TAFA4: variants seen among roughly 807,000 people sequenced by gnomAD.
TAFA4 encodes chemokine-like protein TAFA-4.
TAFA4 carries 20 observed loss-of-function variants against 21.1 expected under a neutral mutation model. The ratio of observed to expected loss-of-function variants is 0.95; its 90% confidence interval spans 0.67 to 1.38. The LOEUF is 1.38. TAFA4 is among the 40% of genes most tolerant of loss of function. The pLI is 0.00. For synonymous variants in TAFA4, 71 were observed against 67.4 expected (o/e 1.05, Z -0.26); for missense variants, 211 against 180.9 (o/e 1.17, Z -0.95).
At chr3:68,866,864 T>C (rs1026809154) in intron 3 of TAFA4, among the ~76,000 whole-genome samples, 1 of 151,476 alleles carries the variant, frequency 6.6e-6, no homozygotes, top group Non-Finnish European at 1.5e-5. Context: ...TTTGAAAATA[T>C]ACAGTCAGAA....
At chr3:68,781,060 A>G (rs1227240135) in intron 3 of TAFA4, among the ~76,000 whole-genome samples, 2 of 152,158 alleles carry the variant, frequency 1.3e-5, no homozygotes, top group African/African-American at 4.8e-5. Context: ...CAAAGGAGAA[A>G]TCATAAAAGT....
intron 3 of TAFA4, among the ~76,000 whole-genome samples, chr3:68,755,898 G>A (rs145451398): frequency 1.4e-4 from 21 of 152,260 alleles, no homozygotes; most frequent in East Asian, 5.8e-4. Flanking sequence ...ACAATGGCAC[G>A]CTCACTCACA....
intron 5 of TAFA4, among the ~76,000 whole-genome samples, chr3:68,736,743 A>G (rs998204141): frequency 7.9e-5 from 12 of 152,176 alleles, no homozygotes; most frequent in Middle Eastern, 3.4e-3. Flanking sequence ...AGATCCACAA[A>G]TGAATTTACT....
chr3:68,885,546 A>G (rs2089663402), intron 1 of TAFA4, among the ~76,000 whole-genome samples: 2 of 152,216 alleles, frequency 1.3e-5, no homozygotes, highest in Admixed American at 1.3e-4. Context: ...ATAGTTGTAA[A>G]GAACTTTCTG....
intron 1 of TAFA4, among the ~76,000 whole-genome samples, chr3:68,898,684 T>C (rs1469713328): frequency 6.6e-6 from 1 of 152,194 alleles, no homozygotes; most frequent in Non-Finnish European, 1.5e-5. Flanking sequence ...ATGTGTACTC[T>C]GGGTCAAATA....
chr3:68,817,138 C>T (rs1483189145), intron 3 of TAFA4, among the ~76,000 whole-genome samples: 1 of 152,126 alleles, frequency 6.6e-6, no homozygotes, highest in Non-Finnish European at 1.5e-5. Flanking sequence ...TCTCTCAAAC[C>T]CTGCGTTTTA....
intron 1 of TAFA4, among the ~76,000 whole-genome samples, chr3:68,927,340 G>T (rs562788206): frequency 6.6e-6 from 1 of 152,236 alleles, no homozygotes; most frequent in East Asian, 1.9e-4. Flanking sequence ...AATTTTCAGA[G>T]AAAACTTTAG....
intron 3 of TAFA4, among the ~76,000 whole-genome samples, chr3:68,849,243 T>C (rs1165716931): frequency 2.6e-5 from 4 of 152,208 alleles, no homozygotes; most frequent in Non-Finnish European, 5.9e-5. Context: ...TCGACACAAA[T>C]TCTTCTATGC....
chr3:68,850,030 T>C (rs1339833286), intron 3 of TAFA4, among the ~76,000 whole-genome samples: 1 of 152,240 alleles, frequency 6.6e-6, no homozygotes, highest in Non-Finnish European at 1.5e-5. Flanking sequence ...GGTTTTTGGC[T>C]TGCCAGTTGC....
chr3:68,733,685 G>A (rs778098332), intron 5 of TAFA4, among the ~76,000 whole-genome samples: 2 of 152,080 alleles, frequency 1.3e-5, no homozygotes, highest in African/African-American at 2.4e-5. Flanking sequence ...TTGAACAGCA[G>A]TTTCTATTCA....
intron 3 of TAFA4, among the ~76,000 whole-genome samples, chr3:68,848,775 C>A (rs938186991): frequency 6.6e-6 from 1 of 152,118 alleles, no homozygotes; most frequent in Admixed American, 6.5e-5. Context: ...AAGTCCCTAG[C>A]CCCTCTGCCA....
chr3:68,869,990 T>G (rs1289823129), intron 3 of TAFA4, among the ~76,000 whole-genome samples: 1 of 152,004 alleles, frequency 6.6e-6, no homozygotes, highest in Non-Finnish European at 1.5e-5. Flanking sequence ...CACTGAGAAC[T>G]GATAAGTGAA....
At chr3:68,807,172 C>A (rs2106837178) in intron 3 of TAFA4, among the ~76,000 whole-genome samples, 2 of 152,312 alleles carry the variant, frequency 1.3e-5, no homozygotes, top group Middle Eastern at 6.8e-3. Flanking sequence ...TGACTTGAAT[C>A]ATGTGCCTGA....
At chr3:68,744,732 T>A (rs1420463750) in intron 4 of TAFA4, among the ~76,000 whole-genome samples, 1 of 151,892 alleles carries the variant, frequency 6.6e-6, no homozygotes, top group Non-Finnish European at 1.5e-5. Context: ...GGAAAAAAAA[T>A]CAGCATTTAC....
At chr3:68,801,229 ACT>A (rs1435001248) in intron 3 of TAFA4, among the ~76,000 whole-genome samples, 25 of 151,838 alleles carry the variant, frequency 1.6e-4, no homozygotes, top group African/African-American at 5.6e-4. Flanking sequence ...TCCAAGTGAA[ACT>A]CTCATCCACG....
At chr3:68,751,149 G>A (rs1702551229) in intron 4 of TAFA4, among the ~76,000 whole-genome samples, 1 of 152,134 alleles carries the variant, frequency 6.6e-6, no homozygotes, top group Non-Finnish European at 1.5e-5. Flanking sequence ...AAAGAAATGG[G>A]AAGAACTCTG....
intron 3 of TAFA4, among the ~76,000 whole-genome samples, chr3:68,795,075 G>A (rs1703430970): frequency 1.3e-5 from 2 of 151,654 alleles, no homozygotes; most frequent in South Asian, 2.1e-4. Context: ...CAGGGTCTGA[G>A]AGATAAATAA....
intron 1 of TAFA4, among the ~76,000 whole-genome samples, chr3:68,924,952 G>A (rs983663577): frequency 6.6e-6 from 1 of 152,112 alleles, no homozygotes; most frequent in Non-Finnish European, 1.5e-5. Context: ...AATCTCCTCA[G>A]CTGCATATCA....
chr3:68,807,129 C>T (rs915705862), intron 3 of TAFA4, among the ~76,000 whole-genome samples: 6 of 152,190 alleles, frequency 3.9e-5, no homozygotes, highest in East Asian at 1.9e-4. Context: ...CTCAGCTGAT[C>T]GGTCTAGGGC....
Sources: gnomAD v4.1 joint callset for allele counts (sites outside exome capture counted in the v4.1 genomes callset) on GRCh38, gnomAD v4.1.1 for gene constraint, MANE v1.5 for transcripts, NCBI Gene and HGNC (gene_info 2026-07-23, HGNC 2026-07-21) for gene names.